REEP1: variants seen among roughly 807,000 people sequenced by gnomAD.
REEP1 encodes the protein receptor accessory protein 1.
REEP1 carries 22 observed loss-of-function variants against 40.3 expected under a neutral mutation model. The ratio of observed to expected loss-of-function variants is 0.55; its 90% CI spans 0.39 to 0.78. The LOEUF (loss-of-function observed/expected upper bound fraction) is 0.78. Ranked by LOEUF, REEP1 falls within the 30% of genes least tolerant of loss-of-function variation. REEP1 has a pLI of 0.00. For missense variants in REEP1, 280 were observed against 361.1 expected, an observed-to-expected ratio of 0.78 and a Z score of 1.82; for synonymous variants, 116 against 139.2, an observed-to-expected ratio of 0.83 and a Z score of 1.17.
chr2:86,307,487 G>A (rs1255135571), intron 1 of REEP1, among the ~76,000 whole-genome samples: 1 of 152,206 alleles, frequency 6.6e-6, no homozygotes, highest in Non-Finnish European at 1.5e-5. Flanking sequence ...TTAGGGCTGG[G>A]TGCAGTGGCT....
intron 2 of REEP1, among the ~76,000 whole-genome samples, chr2:86,276,497 G>C (rs939913157): frequency 6.6e-6 from 1 of 152,166 alleles, no homozygotes; most frequent in African/African-American, 2.4e-5. Context: ...AAGGCAATAG[G>C]CTGATGCTTT....
chr2:86,305,362 C>G (rs1464489791), intron 1 of REEP1, among the ~76,000 whole-genome samples: 1 of 152,226 alleles, frequency 6.6e-6, no homozygotes, highest in African/African-American at 2.4e-5. Flanking sequence ...CGTTTCCTCC[C>G]TCAGGGCAAG....
At chr2:86,321,620 T>C (rs1184291611) in intron 1 of REEP1, among the ~76,000 whole-genome samples, 1 of 152,200 alleles carries the variant, frequency 6.6e-6, no homozygotes, top group Admixed American at 6.5e-5. Flanking sequence ...CATGACCAAA[T>C]TGGGTTTATC....
At position 86,323,527 on chromosome 2, in the gene REEP1, T is replaced by C. The variant is rs138485156; in HGVS notation, c.32+13952A>G. ...GATTCTCATGGGAGCACGAATCCTA[T>C]TGTGAATTGCGCATGTGAGAGACTT... is the stretch of plus-strand genomic sequence containing the variant. On this transcript the variant is annotated intron_variant, in intron 1 of 8. Coordinates refer to ENST00000538924, the MANE Select transcript of REEP1 (RefSeq NM_001371279.1). Among the ~76,000 whole-genome samples, 22 of 152,296 alleles carry C rather than the reference T, an allele frequency of 1.4e-4. No homozygotes were observed. In the East Asian group the frequency reaches 2.1e-3, roughly 15 times the overall value.
chr2:86,329,728 C>A (rs954550720), intron 1 of REEP1, among the ~76,000 whole-genome samples: 65 of 152,260 alleles, frequency 4.3e-4, no homozygotes, highest in African/African-American at 1.5e-3. Context: ...TCCAGTAATG[C>A]CAATGCTGCT....
At chr2:86,313,022 G>A (rs1164896553) in intron 1 of REEP1, among the ~76,000 whole-genome samples, 1 of 151,988 alleles carries the variant, frequency 6.6e-6, no homozygotes, top group Admixed American at 6.6e-5. Flanking sequence ...TTTTTAGTGT[G>A]AACAGCCAAT....
chr2:86,284,477 C>T (rs534470394), intron 1 of REEP1, among the ~76,000 whole-genome samples: 14 of 152,266 alleles, frequency 9.2e-5, no homozygotes, highest in African/African-American at 3.4e-4. Flanking sequence ...AAAGCCAGCA[C>T]CATCCAGGGA....
chr2:86,266,803 C>T (rs1467235718), intron 2 of REEP1, among the ~76,000 whole-genome samples: 2 of 151,130 alleles, frequency 1.3e-5, no homozygotes, highest in Non-Finnish European at 2.9e-5. Context: ...GTCAGGAGAT[C>T]GAGACCATCC....
intron 3 of REEP1, among the ~76,000 whole-genome samples, chr2:86,262,062 C>T (rs961232153): frequency 3.9e-4 from 60 of 152,228 alleles, no homozygotes; most frequent in Non-Finnish European, 3.7e-4. Context: ...CTGACACATC[C>T]CCCTCTCGGA....
intron 1 of REEP1, among the ~76,000 whole-genome samples, chr2:86,334,663 T>C (rs75539851): frequency 2.0e-5 from 3 of 152,110 alleles, no homozygotes; most frequent in Non-Finnish European, 2.9e-5. Context: ...AGAACCCCAA[T>C]ATATAAGACA....
intron 1 of REEP1, among the ~76,000 whole-genome samples, chr2:86,326,306 GAATC>G (rs1680496455): frequency 1.3e-5 from 2 of 152,326 alleles, no homozygotes; most frequent in South Asian, 4.1e-4. Context: ...ACCAAGCTAT[GAATC>G]AATCAATCAG....
At chr2:86,225,809 G>A (rs1674651597) in intron 7 of REEP1, among the ~76,000 whole-genome samples, 2 of 152,282 alleles carry the variant, frequency 1.3e-5, no homozygotes, top group South Asian at 2.1e-4. Flanking sequence ...GGCCAGGCAC[G>A]GCCCCTCTTG....
At chr2:86,335,876 G>C (rs1463463761) in intron 1 of REEP1, among the ~76,000 whole-genome samples, 1 of 147,814 alleles carries the variant, frequency 6.8e-6, no homozygotes, top group Non-Finnish European at 1.5e-5. Context: ...AAAAGGGCAG[G>C]GGTGAGGGAG....
chr2:86,226,775 G>C, intron 7 of REEP1, among the ~76,000 whole-genome samples: 1 of 151,948 alleles, frequency 6.6e-6, no homozygotes, highest in East Asian at 1.9e-4. Flanking sequence ...CAGTGACCCT[G>C]TGGTGGTTTT....
At chr2:86,320,601 T>A (rs1302990057) in intron 1 of REEP1, among the ~76,000 whole-genome samples, 3 of 152,142 alleles carry the variant, frequency 2.0e-5, no homozygotes, top group Non-Finnish European at 2.9e-5. Flanking sequence ...GTTTAATATG[T>A]TTAAAGGAAT....
chr2:86,234,193 A>T (rs549058502), intron 5 of REEP1, among the ~76,000 whole-genome samples: 1 of 151,974 alleles, frequency 6.6e-6, no homozygotes, highest in Non-Finnish European at 1.5e-5. Flanking sequence ...GGGAGGGGGA[A>T]AAAAAGGGGC....
chr2:86,269,461 T>C (rs1248416157), intron 2 of REEP1, among the ~76,000 whole-genome samples: 2 of 152,218 alleles, frequency 1.3e-5, no homozygotes, highest in African/African-American at 4.8e-5. Context: ...CCTAAATATT[T>C]TACTTCGGTT....
rs72844615 is a variant in REEP1 at position 86,259,854 on chromosome 2, T to C, written c.182+4111A>G. Reference sequence around the variant, plus strand: ...AAAGGGATCCGCCCTAGGGGAGAAGTGGGAAGAGGGGAATGGGGGTGAGCG... The same window carrying C: ...AAAGGGATCCGCCCTAGGGGAGAAGCGGGAAGAGGGGAATGGGGGTGAGCG... On this transcript the variant is annotated intron_variant, in intron 3 of 8. Transcript: ENST00000538924. Among the ~76,000 whole-genome samples the C allele has an allele frequency of 2.7e-3, 408 of 151,892 alleles. 2 individuals carry two copies. Among genetic ancestry groups the C allele is most frequent in the Non-Finnish European group, 4.5e-3 (304 of 67,928 alleles).
At chr2:86,313,294 TCTTTTC>T (rs1679848188) in intron 1 of REEP1, among the ~76,000 whole-genome samples, 1 of 149,300 alleles carries the variant, frequency 6.7e-6, no homozygotes, top group South Asian at 2.1e-4. Flanking sequence ...GTTTTTCTTT[TCTTTTC>T]TTTTTTTTTT....
Sources: gnomAD v4.1 joint callset for allele counts (sites outside exome capture counted in the v4.1 genomes callset) on GRCh38, gnomAD v4.1.1 for gene constraint, MANE v1.5 for transcripts, NCBI Gene and HGNC (gene_info 2026-07-23, HGNC 2026-07-21) for gene names.